Variants in OSBP2 observed in about 807,000 individuals in gnomAD.
The protein encoded by OSBP2 is oxysterol binding protein 2.
In OSBP2, 66 loss-of-function variants were observed where a neutral mutation model predicts 96.0. The observed-to-expected ratio is 0.69, with a 90% CI of 0.56 to 0.84. The LOEUF (loss-of-function observed/expected upper bound fraction) is 0.84, where lower values mean the gene tolerates loss of function less well. Ranked by LOEUF, OSBP2 falls within the 40% of genes least tolerant of loss-of-function variation. OSBP2 has a pLI of 0.00. For missense variants in OSBP2, 1,038 were observed against 1,222.7 expected, an observed-to-expected ratio of 0.85 and a Z score of 2.25; for synonymous variants, 525 against 520.9, an observed-to-expected ratio of 1.01 and a Z score of -0.11.
intron 2 of OSBP2, among the ~76,000 whole-genome samples, chr22:30,829,920 C>T (rs185850843): frequency 1.2e-4 from 18 of 152,266 alleles, no homozygotes; most frequent in African/African-American, 2.9e-4. Flanking sequence ...GGTGACCCGA[C>T]GGGGGCCAAA....
intron 1 of OSBP2, among the ~76,000 whole-genome samples, chr22:30,702,038 T>TCC (rs2089171637): frequency 6.6e-6 from 1 of 152,088 alleles, no homozygotes; most frequent in Admixed American, 6.6e-5. Context: ...CAAACCTGCC[T>TCC]CCCCCTCCTA....
chr22:30,800,263 C>T (rs192870836), intron 2 of OSBP2, among the ~76,000 whole-genome samples: 8 of 152,160 alleles, frequency 5.3e-5, no homozygotes, highest in Admixed American at 4.6e-4. Context: ...GAGGAGCTTA[C>T]GAGAGGGGGC....
chr22:30,694,909 T>A lies in OSBP2; in HGVS notation c.-1T>A. On this transcript the variant is annotated 5_prime_UTR_variant, in exon 1 of 14. Transcript: ENST00000332585. ...CGGCCGCGCGCGGGTCGGCCGGCTC[T>A]ATGGGGAAAGCGGCGGCTCCGAGCC... 7.2e-7 allele frequency: 1 copy of A among 1,395,246 alleles called. No homozygotes were observed. The highest frequency in any genetic ancestry group is 9.3e-7 in the Non-Finnish European group (1 of 1,074,042). The allele number at this position is 1,395,246 out of a possible 1,614,324, so 86.4% of individuals were successfully genotyped here.
intron 2 of OSBP2, among the ~76,000 whole-genome samples, chr22:30,746,153 T>G (rs1320469806): frequency 9.9e-5 from 15 of 152,092 alleles, no homozygotes; most frequent in Admixed American, 9.8e-4. Context: ...GCCTGGTGGG[T>G]CACGTCTGTA....
intron 2 of OSBP2, among the ~76,000 whole-genome samples, chr22:30,837,752 G>A (rs1008543640): frequency 6.6e-6 from 1 of 152,194 alleles, no homozygotes; most frequent in African/African-American, 2.4e-5. Flanking sequence ...GGTGATGCAA[G>A]CCACAGGAGG....
At chr22:30,846,581 G>T (rs1407831081) in intron 2 of OSBP2, among the ~76,000 whole-genome samples, 1 of 148,226 alleles carries the variant, frequency 6.7e-6, no homozygotes, top group African/African-American at 2.5e-5. Flanking sequence ...CTCACTGTGG[G>T]TTTTTTTTTT....
rs371292337 is a variant in OSBP2 at position 30,741,152 on chromosome 22, A to G, written c.645-9A>G. On this transcript the variant is annotated splice_polypyrimidine_tract_variant and intron_variant, in intron 1 of 13. Coordinates refer to ENST00000332585, the MANE Select transcript of OSBP2 (RefSeq NM_030758.4). ...AGCCTCACCCCATTCCTTCTCTTACATCCTACAGAAATCAGGGTGAAATGG... is the reference window on the plus strand; with the variant it reads ...AGCCTCACCCCATTCCTTCTCTTACGTCCTACAGAAATCAGGGTGAAATGG... 2 of 1,610,634 alleles carry G rather than the reference A, an allele frequency of 1.2e-6. No individual in the cohort carries two copies. The highest frequency in any genetic ancestry group is 1.7e-4 in the Middle Eastern group (1 of 6,028).
chr22:30,703,276 C>A (rs750634557), intron 1 of OSBP2, among the ~76,000 whole-genome samples: 8 of 151,566 alleles, frequency 5.3e-5, no homozygotes, highest in African/African-American at 9.7e-5. Flanking sequence ...TGGGTTCAAG[C>A]GATTTTCCTG....
intron 1 of OSBP2, among the ~76,000 whole-genome samples, chr22:30,725,976 C>T (rs1006041727): frequency 9.2e-5 from 14 of 151,908 alleles, no homozygotes; most frequent in African/African-American, 2.7e-4. Context: ...GATGGGGTTT[C>T]GCCGTGTTGC....
chr22:30,693,969 A>AC, upstream of OSBP2: 3 of 890,354 alleles, frequency 3.4e-6, no homozygotes, highest in South Asian at 5.0e-5. Context: ...AGTCTCAAAA[A>AC]GGAAAAAAAA....
intron 3 of OSBP2, among the ~76,000 whole-genome samples, chr22:30,886,105 T>C (rs964807249): frequency 2.2e-4 from 33 of 152,258 alleles, no homozygotes; most frequent in Non-Finnish European, 1.3e-4. Context: ...ACCACAGCCA[T>C]GACATAGCTC....
intron 1 of OSBP2, among the ~76,000 whole-genome samples, chr22:30,738,751 G>A (rs969036846): frequency 9.2e-5 from 14 of 151,534 alleles, no homozygotes; most frequent in Non-Finnish European, 1.8e-4. Context: ...CAGTAGAGAC[G>A]GGGTTTCACC....
At chr22:30,858,379 C>T (rs1250626658) in intron 2 of OSBP2, among the ~76,000 whole-genome samples, 2 of 151,214 alleles carry the variant, frequency 1.3e-5, no homozygotes, top group African/African-American at 4.9e-5. Context: ...ATCTCCTGAC[C>T]TCATGATCCA....
At chr22:30,784,776 C>T in intron 2 of OSBP2, among the ~76,000 whole-genome samples, 1 of 137,094 alleles carries the variant, frequency 7.3e-6, no homozygotes. Context: ...AAATCCTCCT[C>T]ATTTTTTTTT....
intron 2 of OSBP2, among the ~76,000 whole-genome samples, chr22:30,784,735 C>G (rs2090563955): frequency 6.6e-6 from 1 of 151,184 alleles, no homozygotes; most frequent in Non-Finnish European, 1.5e-5. Flanking sequence ...ATTACTGTAG[C>G]TTTATAATAT....
intron 1 of OSBP2, among the ~76,000 whole-genome samples, chr22:30,739,620 G>A (rs1029600748): frequency 6.6e-6 from 1 of 151,704 alleles, no homozygotes; most frequent in Non-Finnish European, 1.5e-5. Context: ...GACTACAGGT[G>A]CACGCTACCA....
At chr22:30,699,512 A>AT (rs1308227043) in intron 1 of OSBP2, among the ~76,000 whole-genome samples, 2 of 152,190 alleles carry the variant, frequency 1.3e-5, no homozygotes, top group Non-Finnish European at 2.9e-5. Flanking sequence ...ACAAATTTAT[A>AT]TTCCCAACGG....
chr22:30,742,738 G>T (rs1420693095), intron 2 of OSBP2, among the ~76,000 whole-genome samples: 1 of 152,194 alleles, frequency 6.6e-6, no homozygotes, highest in Non-Finnish European at 1.5e-5. Context: ...CCTATAGCTT[G>T]TTGGTGAGCA....
At chr22:30,802,686 G>A (rs2090868071) in intron 2 of OSBP2, among the ~76,000 whole-genome samples, 1 of 152,252 alleles carries the variant, frequency 6.6e-6, no homozygotes. Context: ...CCCAGCCTGG[G>A]ACAAGGCTGG....
Sources: allele counts gnomAD v4.1 joint callset (sites outside exome capture counted in the v4.1 genomes callset), GRCh38; gene constraint gnomAD v4.1.1; transcripts MANE v1.5; gene names NCBI Gene and HGNC (gene_info 2026-07-23, HGNC 2026-07-21).